TMOD2: variants seen among roughly 807,000 people sequenced by gnomAD.
TMOD2 encodes the protein tropomodulin 2, also known as tropomodulin-2.
In TMOD2, 22 loss-of-function variants were observed where a neutral mutation model predicts 39.9. The ratio of observed to expected loss-of-function variants is 0.55; its 90% CI spans 0.39 to 0.79. The LOEUF is 0.79. Ranked by LOEUF, TMOD2 falls within the 30% of genes least tolerant of loss-of-function variation. The pLI, the probability that TMOD2 is intolerant of heterozygous loss-of-function variation, is 0.00. For missense variants in TMOD2, 386 were observed against 413.3 expected (o/e 0.93, Z 0.57); for synonymous variants, 123 against 146.1 (o/e 0.84, Z 1.14).
chr15:51,762,770 T>C (rs1314320830), intron 1 of TMOD2, among the ~76,000 whole-genome samples: 6 of 152,212 alleles, frequency 3.9e-5, no homozygotes, highest in Non-Finnish European at 5.9e-5. Flanking sequence ...GTTTATGTGT[T>C]CTAAAATTTT....
intron 8 of TMOD2, among the ~76,000 whole-genome samples, chr15:51,801,237 T>TCTCACACACACACACACA (rs1491214017): frequency 7.8e-5 from 8 of 102,138 alleles, no homozygotes; most frequent in Middle Eastern, 5.7e-3. Context: ...TCTCTCTCTC[T>TCTCACACACACACACACA]CACACACACA....
At position 51,810,629 on chromosome 15, in the gene TMOD2, C is replaced by T. The variant is rs899622079; in HGVS notation, c.*2175C>T. ...TATACATTTTTTTATACATATGTTT[C>T]GCTTATCATGTTGCCGAAGGGAAGA... On this transcript the variant is annotated 3_prime_UTR_variant, in exon 10 of 10. Coordinates refer to ENST00000249700, the MANE Select transcript of TMOD2 (RefSeq NM_014548.4). 11 of 152,174 alleles carry T rather than the reference C, an allele frequency of 7.2e-5. No individual in the cohort carries two copies. The highest frequency in any genetic ancestry group is 1.2e-4 in the Non-Finnish European group (8 of 68,002). The allele number at this position is 152,174 out of a possible 1,614,324, so 9.4% of individuals were successfully genotyped here. A position where few individuals can be genotyped will look rare whatever the true frequency, so the allele number is the denominator to read the frequency against.
intron 3 of TMOD2, among the ~76,000 whole-genome samples, chr15:51,771,535 C>T (rs2055853720): frequency 6.6e-6 from 1 of 152,184 alleles, no homozygotes; most frequent in Non-Finnish European, 1.5e-5. Flanking sequence ...TTAGGTTGGG[C>T]ATGCCTCTAA....
chr15:51,782,324 A>G (rs190941406), intron 6 of TMOD2, among the ~76,000 whole-genome samples: 168 of 152,376 alleles, frequency 1.1e-3, no homozygotes, highest in African/African-American at 4.0e-3. Flanking sequence ...AAAGGACAAA[A>G]GGAATTTCCA....
intron 1 of TMOD2, 84 bp from the exon 2 acceptor site, chr15:51,766,289 T>C: frequency 1.6e-6 from 1 of 630,242 alleles, no homozygotes; most frequent in Non-Finnish European, 2.7e-6. Context: ...TAGGCTCCAT[T>C]GGAGGCATAC....
rs756147137 is a variant in TMOD2 at position 51,808,452 on chromosome 15, T to A, written c.1054T>A (p.Ter352LysextTer15). The A allele has an allele frequency of 6.2e-7, 1 of 1,612,666 alleles. No homozygotes were observed. Among genetic ancestry groups the A allele is most frequent in the Non-Finnish European group, 8.5e-7 (1 of 1,179,240 alleles). Reference sequence around the variant, plus strand: ...GAAGAGAGTTGAAGCAGACCGAAGGTAAACTTCCTTGAGGAGAAGTGAAGT... The same window carrying A: ...GAAGAGAGTTGAAGCAGACCGAAGGAAAACTTCCTTGAGGAGAAGTGAAGT... ...RKKRVEADRR[*>K] The change falls in exon 10 of 10, where the codon TAA (stop) becomes AAA (lysine). Residue 352 changes from the stop codon to lysine (K), a stop_lost. Transcript: ENST00000249700.
At chr15:51,794,148 T>C (rs959617591) in intron 7 of TMOD2, among the ~76,000 whole-genome samples, 2 of 152,186 alleles carry the variant, frequency 1.3e-5, no homozygotes, top group Admixed American at 1.3e-4. Context: ...AGGAGTGCTA[T>C]TGACATCTAG....
chr15:51,782,751 G>A lies in TMOD2; in HGVS notation c.655G>A (p.Ala219Thr). The A allele has an allele frequency of 1.2e-6, 2 of 1,614,014 alleles. No homozygotes were observed. The highest frequency in any genetic ancestry group is 1.7e-5 in the Admixed American group (1 of 60,022). Residue 219 changes from alanine to threonine, a missense_variant, in exon 7 of 10, where the codon GCA becomes ACA. Ala to Thr is a moderately conservative substitution (Grantham distance 58). Transcript: ENST00000249700. ...TCCAATTCCAACCCTGAGGGAATTT[G>A]CAAAGGCTCTGGAGACCAACACTCA... ...NIPIPTLREF[A>T]KALETNTHVK...
chr15:51,783,479 CAA>C (rs11345202), intron 7 of TMOD2: 57 of 144,496 alleles, frequency 3.9e-4, no homozygotes, highest in African/African-American at 7.9e-4. Context: ...GACTCTGTCT[CAA>C]AAAAAAAAAA....
chr15:51,810,147 G>C lies in TMOD2; in HGVS notation c.*1693G>C, dbSNP rs996507726. ...TAGTAAATAATGTTTATGGTTTTCA[G>C]TCTGATTTTTCCTTCCCTTTCACCC... On this transcript the variant is annotated 3_prime_UTR_variant, in exon 10 of 10. Transcript: ENST00000249700. 6.6e-6 allele frequency: 1 copy of C among 152,052 alleles called. No individual in the cohort carries two copies. Among genetic ancestry groups the C allele is most frequent in the African/African-American group, 2.4e-5 (1 of 41,390 alleles). 9.4% of individuals were successfully genotyped at this position (152,052 alleles called of 1,614,324 possible).
chr15:51,782,036 G>C, intron 6 of TMOD2, among the ~76,000 whole-genome samples: 1 of 152,100 alleles, frequency 6.6e-6, no homozygotes, highest in Non-Finnish European at 1.5e-5. Context: ...GTGCAGCCAG[G>C]ACTCTTCTCC....
chr15:51,801,235 T>TCAGACACACACACACACA (rs745892590), intron 8 of TMOD2, among the ~76,000 whole-genome samples: 1 of 108,928 alleles, frequency 9.2e-6, no homozygotes, highest in African/African-American at 3.9e-5. Context: ...TCTCTCTCTC[T>TCAGACACACACACACACA]CTCACACACA....
At chr15:51,788,710 C>T (rs989716712) in intron 7 of TMOD2, among the ~76,000 whole-genome samples, 1 of 152,194 alleles carries the variant, frequency 6.6e-6, no homozygotes, top group Non-Finnish European at 1.5e-5. Flanking sequence ...ATTCAACATT[C>T]TTAAAGAAAA....
At chr15:51,771,754 G>A (rs569996204) in intron 3 of TMOD2, among the ~76,000 whole-genome samples, 2 of 152,290 alleles carry the variant, frequency 1.3e-5, no homozygotes, top group African/African-American at 2.4e-5. Context: ...GGCCATAGAC[G>A]CTAGGAATGT....
chr15:51,777,094 A>C (rs2055894921), intron 5 of TMOD2, 76 bp downstream of exon 5: 1 of 1,231,184 alleles, frequency 8.1e-7, no homozygotes. Flanking sequence ...AGGCCTGTTG[A>C]GTCTTGCAGG....
At chr15:51,788,678 A>T (rs2055988078) in intron 7 of TMOD2, among the ~76,000 whole-genome samples, 1 of 151,570 alleles carries the variant, frequency 6.6e-6, no homozygotes, top group African/African-American at 2.4e-5. Context: ...GGATCTCTCA[A>T]GCCAGAAGAG....
chr15:51,789,824 A>T (rs1245366293), intron 7 of TMOD2, among the ~76,000 whole-genome samples: 2 of 152,240 alleles, frequency 1.3e-5, no homozygotes, highest in African/African-American at 4.8e-5. Context: ...GAACAAAGAC[A>T]CAGCGTACCA....
At chr15:51,758,416 G>A (rs182216157) in intron 1 of TMOD2, among the ~76,000 whole-genome samples, 31 of 152,290 alleles carry the variant, frequency 2.0e-4, no homozygotes, top group Admixed American at 1.1e-3. Context: ...AGAGGAAGGG[G>A]CAACTTCTGT....
intron 7 of TMOD2, among the ~76,000 whole-genome samples, chr15:51,791,326 A>T (rs970287474): frequency 6.6e-6 from 1 of 152,230 alleles, no homozygotes; most frequent in East Asian, 1.9e-4. Flanking sequence ...GGAGAGCTAC[A>T]AAACACTGCT....
Sources: gnomAD v4.1 joint callset for allele counts (sites outside exome capture counted in the v4.1 genomes callset) on GRCh38, gnomAD v4.1.1 for gene constraint, MANE v1.5 for transcripts, NCBI Gene and HGNC (gene_info 2026-07-23, HGNC 2026-07-21) for gene names.